Variants in PLXDC2 observed in about 807,000 individuals in gnomAD.
The protein encoded by PLXDC2 is plexin domain-containing protein 2.
Under a neutral mutation model 68.9 loss-of-function variants are expected in PLXDC2, and 40 were observed. The observed-to-expected ratio is 0.58, with a 90% CI of 0.45 to 0.76. The LOEUF (loss-of-function observed/expected upper bound fraction) is 0.76, where lower values mean the gene tolerates loss of function less well. Among genes scored for constraint, PLXDC2 ranks in the 30% least tolerant of loss-of-function variants. The pLI, the probability that PLXDC2 is intolerant of heterozygous loss-of-function variation, is 0.00. For missense variants in PLXDC2, 644 were observed against 661.9 expected, an observed-to-expected ratio of 0.97 and a Z score of 0.30; for synonymous variants, 243 against 234.2, an observed-to-expected ratio of 1.04 and a Z score of -0.34.
At chr10:20,031,856 C>T (rs989112960) in intron 2 of PLXDC2, among the ~76,000 whole-genome samples, 1 of 151,928 alleles carries the variant, frequency 6.6e-6, no homozygotes, top group Admixed American at 6.6e-5. Context: ...GATGGAGTCT[C>T]ACTCTGTCAC....
intron 1 of PLXDC2, among the ~76,000 whole-genome samples, chr10:19,948,265 A>G (rs1833935895): frequency 6.6e-6 from 1 of 152,130 alleles, no homozygotes; most frequent in Admixed American, 6.5e-5. Context: ...TCTCCTTCCT[A>G]TTGCCTAGTT....
chr10:20,028,495 T>C (rs1035810416), intron 2 of PLXDC2, among the ~76,000 whole-genome samples: 1 of 152,200 alleles, frequency 6.6e-6, no homozygotes, highest in African/African-American at 2.4e-5. Flanking sequence ...TATTTGGGAA[T>C]CAATGGTATT....
At chr10:20,178,540 G>A (rs10827984) in intron 9 of PLXDC2, among the ~76,000 whole-genome samples, 34,149 of 151,970 alleles carry the variant, frequency 0.22, 5,295 homozygotes, top group African/African-American at 0.42. Context: ...GAGGGAAACC[G>A]AATATTCATG....
Position 19,887,032 on chromosome 10 carries a change from G to A in PLXDC2, c.112+69841G>A, listed in dbSNP as rs974316626. Among the ~76,000 whole-genome samples the A allele has an allele frequency of 5.3e-5, 8 of 152,100 alleles. 1 individual carries two copies. The highest frequency in any genetic ancestry group is 5.9e-5 in the Non-Finnish European group (4 of 68,028). On this transcript the variant is annotated intron_variant, in intron 1 of 13. Coordinates refer to ENST00000377252, the MANE Select transcript of PLXDC2 (RefSeq NM_032812.9). ...TATGAAAAGAGTTTTTGACTTCATA[G>A]CTCCCCTGAAAGGATCTCAGGGACA...
chr10:20,133,677 G>A (rs900213629), intron 4 of PLXDC2, among the ~76,000 whole-genome samples: 3 of 152,034 alleles, frequency 2.0e-5, no homozygotes, highest in African/African-American at 4.8e-5. Flanking sequence ...ACATGTTTTT[G>A]TGATGATCTC....
chr10:20,278,644 T>A (rs2119397092), intron 13 of PLXDC2, among the ~76,000 whole-genome samples: 1 of 152,100 alleles, frequency 6.6e-6, no homozygotes, highest in South Asian at 2.1e-4. Context: ...AATATAGAGC[T>A]AATAGTCATC....
intron 1 of PLXDC2, among the ~76,000 whole-genome samples, chr10:19,834,764 C>T (rs1382123674): frequency 6.6e-6 from 1 of 152,160 alleles, no homozygotes; most frequent in Non-Finnish European, 1.5e-5. Context: ...CAAACATTTG[C>T]TAGATGTATC....
chr10:20,018,586 G>A (rs1379083599), intron 2 of PLXDC2, among the ~76,000 whole-genome samples: 2 of 152,132 alleles, frequency 1.3e-5, no homozygotes, highest in Non-Finnish European at 2.9e-5. Context: ...CTTATAAGCG[G>A]TTTACTACTC....
At chr10:19,834,692 A>G (rs191383731) in intron 1 of PLXDC2, among the ~76,000 whole-genome samples, 1 of 152,338 alleles carries the variant, frequency 6.6e-6, no homozygotes, top group South Asian at 2.1e-4. Flanking sequence ...TGACATTAAT[A>G]TGCTGTTAGG....
intron 13 of PLXDC2, among the ~76,000 whole-genome samples, chr10:20,277,208 CAAAAAAAAAAAAAAA>C (rs60978653): frequency 1.5e-5 from 1 of 67,952 alleles, no homozygotes; most frequent in Non-Finnish European, 2.6e-5. Context: ...GATTCCATCT[CAAAAAAAAAAAAAAA>C]AAAAAAAAAA....
chr10:19,861,485 C>T (rs995943583), intron 1 of PLXDC2, among the ~76,000 whole-genome samples: 14 of 152,166 alleles, frequency 9.2e-5, no homozygotes, highest in Admixed American at 6.5e-4. Context: ...TCCCTAGCCA[C>T]CATGAGATTG....
rs376988347 is a variant in PLXDC2 at position 20,044,094 on chromosome 10, C to CCCTTCCTTCCTTCCTTCCTTCCTT, written c.325-2767_325-2744dup. On this transcript the variant is annotated intron_variant, in intron 2 of 13. Coordinates refer to ENST00000377252, the MANE Select transcript of PLXDC2 (RefSeq NM_032812.9). The stretch of plus-strand genomic sequence containing the variant: ...ACTTGCGCAGGGATCTGGCTTTTTC[C>CCCTTCCTTCCTTCCTTCCTTCCTT]CCTTCCTTCCTTCCTTCCTTCCTTC... 6.0e-3 allele frequency among the ~76,000 whole-genome samples: 197 copies of CCCTTCCTTCCTTCCTTCCTTCCTT among 32,826 alleles called. 13 individuals carry two copies. Among genetic ancestry groups the CCCTTCCTTCCTTCCTTCCTTCCTT allele is most frequent in the Middle Eastern group, 0.031 (2 of 64 alleles). 21.5% of individuals were successfully genotyped at this position (32,826 alleles called of 152,430 possible).
chr10:19,848,596 T>TTACCAAAAG (rs879767472), intron 1 of PLXDC2, among the ~76,000 whole-genome samples: 8 of 152,202 alleles, frequency 5.3e-5, no homozygotes, highest in African/African-American at 1.7e-4. Context: ...TTCAAAATAC[T>TTACCAAAAG]TACCAAAAGT....
chr10:20,288,472 T>A lies in PLXDC2; in HGVS notation c.*8653T>A, dbSNP rs1836188259. 6.6e-6 allele frequency: 1 copy of A among 152,108 alleles called. No homozygotes were observed. The highest frequency in any genetic ancestry group is 6.5e-5 in the Admixed American group (1 of 15,272). 9.4% of individuals were successfully genotyped at this position (152,108 alleles called of 1,614,324 possible). Reference sequence around the variant, plus strand: ...CTGAGCCTGCAAATGTAAAAATGATTGTATCTGAATCTGCACTAATGGTGT... The same window carrying A: ...CTGAGCCTGCAAATGTAAAAATGATAGTATCTGAATCTGCACTAATGGTGT... On this transcript the variant is annotated 3_prime_UTR_variant, in exon 14 of 14. Transcript: ENST00000377252.
chr10:19,891,615 T>C (rs1477420069), intron 1 of PLXDC2, among the ~76,000 whole-genome samples: 1 of 152,226 alleles, frequency 6.6e-6, no homozygotes, highest in African/African-American at 2.4e-5. Context: ...TTCCTGTGTC[T>C]TCCCTACAAA....
At chr10:20,047,755 A>G (rs567980540) in intron 3 of PLXDC2, among the ~76,000 whole-genome samples, 5 of 152,256 alleles carry the variant, frequency 3.3e-5, no homozygotes, top group South Asian at 4.1e-4. Flanking sequence ...CTATGATTTA[A>G]ATATTATTAC....
intron 1 of PLXDC2, among the ~76,000 whole-genome samples, chr10:19,948,304 A>G (rs937365813): frequency 2.0e-5 from 3 of 152,048 alleles, no homozygotes; most frequent in South Asian, 2.1e-4. Flanking sequence ...TCAAATTTCA[A>G]TGAAGGGAAA....
chr10:20,046,885 A>G lies in PLXDC2; in HGVS notation c.341A>G (p.Asn114Ser), dbSNP rs1004201672. 1.9e-6 allele frequency: 3 copies of G among 1,611,078 alleles called. No homozygotes were observed. The highest frequency in any genetic ancestry group is 2.7e-5 in the African/African-American group (2 of 74,810). ...NTQIEEDTDH[N>S]YYISRIYGPS... ...TTATTGCAGGAGGATACAGACCACAATTACTATATATCTCGAATATATGGT... is the reference window on the plus strand; with the variant it reads ...TTATTGCAGGAGGATACAGACCACAGTTACTATATATCTCGAATATATGGT... Residue 114 changes from asparagine (N) to serine (S), a missense_variant, in exon 3 of 14, where the codon AAT (asparagine) becomes AGT (serine). Physicochemically the swap from Asn to Ser is conservative, Grantham distance 46 (BLOSUM62 1). This residue lies in a region of PLXDC2 where 201 missense variants were observed against 166.9 expected (regional missense o/e 1.20). Transcript: ENST00000377252.
chr10:19,882,957 C>CTTTA (rs1837757453), intron 1 of PLXDC2, among the ~76,000 whole-genome samples: 1 of 133,162 alleles, frequency 7.5e-6, no homozygotes, highest in Admixed American at 7.5e-5. Context: ...TTTTTCCTTT[C>CTTTA]TTTCTTTTTT....
Sources: allele counts gnomAD v4.1 joint callset (sites outside exome capture counted in the v4.1 genomes callset), GRCh38; gene constraint gnomAD v4.1.1; regional missense constraint gnomAD v4.1.1; transcripts MANE v1.5; gene names NCBI Gene and HGNC (gene_info 2026-07-23, HGNC 2026-07-21).